PTAFR: variants seen among roughly 807,000 people sequenced by gnomAD.
The protein encoded by PTAFR is platelet-activating factor receptor.
In PTAFR, 8 loss-of-function variants were observed where a neutral mutation model predicts 14.7. The observed-to-expected ratio is 0.54, with a 90% CI of 0.32 to 0.98. The LOEUF (loss-of-function observed/expected upper bound fraction) is 0.98, where lower values mean the gene tolerates loss of function less well. Among genes scored for constraint, PTAFR ranks in the 50% least tolerant of loss-of-function variants. The pLI, the probability that PTAFR is intolerant of heterozygous loss-of-function variation, is 0.04. For missense variants in PTAFR, 337 were observed against 451.2 expected, an observed-to-expected ratio of 0.75 and a Z score of 2.29; for synonymous variants, 156 against 176.5, an observed-to-expected ratio of 0.88 and a Z score of 0.92.
chr1:28,180,606 G>A (rs903698586), upstream of PTAFR, among the ~76,000 whole-genome samples: 4 of 152,132 alleles, frequency 2.6e-5, no homozygotes, highest in African/African-American at 9.7e-5. Context: ...CTCTGGGCAT[G>A]CATCACCAAT....
chr1:28,187,868 A>G (rs1012495368), intron 1 of PTAFR, among the ~76,000 whole-genome samples: 10 of 152,202 alleles, frequency 6.6e-5, no homozygotes, highest in Non-Finnish European at 1.5e-5. Context: ...TGAAAACTGT[A>G]CATTAAAAGA....
At chr1:28,189,268 G>A (rs997306020) in intron 1 of PTAFR, among the ~76,000 whole-genome samples, 4 of 151,948 alleles carry the variant, frequency 2.6e-5, no homozygotes, top group Non-Finnish European at 4.4e-5. Flanking sequence ...TCTTCAGTGC[G>A]ATCCTGTACA....
intron 1 of PTAFR, among the ~76,000 whole-genome samples, chr1:28,152,388 G>T (rs1204071893): frequency 6.6e-6 from 1 of 151,874 alleles, no homozygotes; most frequent in Non-Finnish European, 1.5e-5. Flanking sequence ...GATCGCCTGA[G>T]GTCAGGAGTT....
At chr1:28,151,185 T>A in intron 1 of PTAFR, 126 bp from the exon 2 acceptor site, 2 of 501,044 alleles carry the variant, frequency 4.0e-6, no homozygotes, top group Non-Finnish European at 6.9e-6. Flanking sequence ...TGTTGAATCT[T>A]TTTTTTTTTT....
intron 1 of PTAFR, among the ~76,000 whole-genome samples, chr1:28,191,957 C>T (rs1646657332): frequency 6.6e-6 from 1 of 152,036 alleles, no homozygotes; most frequent in Non-Finnish European, 1.5e-5. Flanking sequence ...GTCCCAGTTA[C>T]TCATGAAGGG....
chr1:28,179,228 G>A (rs1335288116), upstream of PTAFR, among the ~76,000 whole-genome samples: 1 of 152,128 alleles, frequency 6.6e-6, no homozygotes, highest in Non-Finnish European at 1.5e-5. Context: ...CCCTCCAGGA[G>A]GGACAGCAAG....
At chr1:28,158,398 G>C (rs930483434) in intron 1 of PTAFR, among the ~76,000 whole-genome samples, 1 of 152,068 alleles carries the variant, frequency 6.6e-6, no homozygotes, top group Non-Finnish European at 1.5e-5. Context: ...AAGAGACAGG[G>C]CTTTAAAAAT....
intron 1 of PTAFR, among the ~76,000 whole-genome samples, chr1:28,158,892 G>A (rs1036165370): frequency 3.9e-5 from 6 of 152,182 alleles, no homozygotes; most frequent in African/African-American, 1.4e-4. Context: ...CCAGAGTCAG[G>A]GAGACAGCAA....
In PTAFR at chr1:28,161,663, A is replaced by T. The variant is rs72875091; in HGVS notation, c.-38-10604T>A. On this transcript the variant is annotated intron_variant, in intron 1 of 1. Coordinates refer to ENST00000373857, the MANE Select transcript of PTAFR (RefSeq NM_000952.5). ...CACCCAGCTGGTGGCTGTTTTAAGTAGAATGACCAGGAAAGGCTTCTTGGA... is the reference window on the plus strand; with the variant it reads ...CACCCAGCTGGTGGCTGTTTTAAGTTGAATGACCAGGAAAGGCTTCTTGGA... Among the ~76,000 whole-genome samples, 1,005 of 152,286 alleles carry T rather than the reference A, an allele frequency of 6.6e-3. 12 individuals are homozygous for T. The highest frequency in any genetic ancestry group is 0.02 in the African/African-American group (852 of 41,564).
chr1:28,155,508 C>G (rs1646254052), intron 1 of PTAFR, among the ~76,000 whole-genome samples: 1 of 152,086 alleles, frequency 6.6e-6, no homozygotes, highest in Admixed American at 6.6e-5. Flanking sequence ...TCGCCTGGCT[C>G]CACTCCCCAC....
intron 1 of PTAFR, among the ~76,000 whole-genome samples, chr1:28,167,873 A>G (rs1646404556): frequency 6.7e-6 from 1 of 150,362 alleles, no homozygotes; most frequent in Non-Finnish European, 1.5e-5. Flanking sequence ...GCCTGACCTC[A>G]AGTGATCCGC....
upstream of PTAFR, among the ~76,000 whole-genome samples, chr1:28,177,723 G>T (rs918131400): frequency 1.3e-5 from 2 of 151,990 alleles, no homozygotes; most frequent in African/African-American, 4.8e-5. Context: ...ATTCAAATTT[G>T]GACATACTTT....
chr1:28,151,072 AC>A lies in PTAFR; in HGVS notation c.-38-14del. On this transcript the variant is annotated splice_polypyrimidine_tract_variant and intron_variant, in intron 1 of 1. Transcript: ENST00000373857. ...GTCCTGGTGGTGCCTGGAAGACCAC[AC>A]AAAAATTCTGGTTAATAAAGGGACA... 1 of 1,453,564 alleles carries A rather than the reference AC, an allele frequency of 6.9e-7. No individual in the cohort carries two copies. The highest frequency in any genetic ancestry group is 1.9e-4 in the Middle Eastern group (1 of 5,352). 90.0% of individuals were successfully genotyped at this position (1,453,564 alleles called of 1,614,324 possible).
intron 1 of PTAFR, among the ~76,000 whole-genome samples, chr1:28,169,478 A>T (rs573981407): frequency 6.6e-6 from 1 of 152,222 alleles, no homozygotes; most frequent in South Asian, 2.1e-4. Flanking sequence ...GAAATAAAGG[A>T]TGTACAGTAT....
At chr1:28,180,396 A>AT (rs1646552780), upstream of PTAFR, among the ~76,000 whole-genome samples, 1 of 152,120 alleles carries the variant, frequency 6.6e-6, no homozygotes, top group South Asian at 2.1e-4. Flanking sequence ...TATATATATA[A>AT]AAAAGAAGTT....
chr1:28,190,936 A>G (rs572330795), intron 1 of PTAFR, among the ~76,000 whole-genome samples: 39 of 152,326 alleles, frequency 2.6e-4, no homozygotes, highest in Non-Finnish European at 5.6e-4. Context: ...TGAGCCTCAG[A>G]GTCTTCATCT....
chr1:28,163,379 AGT>A (rs1646346745), intron 1 of PTAFR, among the ~76,000 whole-genome samples: 1 of 152,076 alleles, frequency 6.6e-6, no homozygotes, highest in African/African-American at 2.4e-5. Flanking sequence ...CTTCAATCCC[AGT>A]GTCGGGCACC....
intron 1 of PTAFR, among the ~76,000 whole-genome samples, chr1:28,171,699 G>A (rs931946050): frequency 2.6e-5 from 4 of 152,106 alleles, no homozygotes; most frequent in East Asian, 1.9e-4. Context: ...TCTAGGGCAC[G>A]AGGGATGAGG....
At chr1:28,172,031 G>T (rs184102243) in intron 1 of PTAFR, among the ~76,000 whole-genome samples, 3 of 151,868 alleles carry the variant, frequency 2.0e-5, no homozygotes, top group Non-Finnish European at 4.4e-5. Flanking sequence ...GGGGTGGGGG[G>T]TTGAGACTGA....
Sources: gnomAD v4.1 joint callset for allele counts (sites outside exome capture counted in the v4.1 genomes callset) on GRCh38, gnomAD v4.1.1 for gene constraint, MANE v1.5 for transcripts, NCBI Gene and HGNC (gene_info 2026-07-23, HGNC 2026-07-21) for gene names.